The following GALNTL6 variants were observed in gnomAD, a reference collection of about 807,000 sequenced individuals.
GALNTL6 encodes polypeptide N-acetylgalactosaminyltransferase like 6.
Under a neutral mutation model 73.7 loss-of-function variants are expected in GALNTL6, and 46 were observed. The ratio of observed to expected loss-of-function variants is 0.62; its 90% CI spans 0.49 to 0.80. GALNTL6 has a LOEUF of 0.80. Ranked by LOEUF, GALNTL6 falls within the 30% of genes least tolerant of loss-of-function variation. The pLI is 0.00. For synonymous variants in GALNTL6, 259 were observed against 263.7 expected (o/e 0.98, Z 0.17); for missense variants, 604 against 755.0 (o/e 0.80, Z 2.34).
At chr4:172,175,004 C>T (rs1299501988) in intron 2 of GALNTL6, among the ~76,000 whole-genome samples, 1 of 152,110 alleles carries the variant, frequency 6.6e-6, no homozygotes, top group Non-Finnish European at 1.5e-5. Flanking sequence ...ATATACTTAA[C>T]ATGCACTGCA....
At chr4:172,874,421 T>A (rs1262803086) in intron 7 of GALNTL6, among the ~76,000 whole-genome samples, 1 of 152,208 alleles carries the variant, frequency 6.6e-6, no homozygotes, top group African/African-American at 2.4e-5. Context: ...CAGGGACCCC[T>A]CCTTGCCAAA....
At chr4:172,074,765 C>T (rs1579112240) in intron 2 of GALNTL6, among the ~76,000 whole-genome samples, 1 of 152,158 alleles carries the variant, frequency 6.6e-6, no homozygotes, top group East Asian at 1.9e-4. Context: ...ATTGCAAAAA[C>T]GAGAATATCA....
intron 8 of GALNTL6, among the ~76,000 whole-genome samples, chr4:172,927,014 TGGA>T (rs1579664316): frequency 1.3e-5 from 2 of 152,226 alleles, no homozygotes; most frequent in African/African-American, 4.8e-5. Flanking sequence ...TCTCACAATT[TGGA>T]GGAGGAGGCA....
intron 10 of GALNTL6, among the ~76,000 whole-genome samples, chr4:172,988,380 G>A (rs1751389917): frequency 1.3e-5 from 2 of 152,162 alleles, no homozygotes; most frequent in South Asian, 2.1e-4. Context: ...AAGCAGCAAA[G>A]CATTCAAGGT....
intron 5 of GALNTL6, among the ~76,000 whole-genome samples, chr4:172,700,804 A>G (rs142140373): frequency 6.6e-6 from 1 of 152,320 alleles, no homozygotes; most frequent in Non-Finnish European, 1.5e-5. Flanking sequence ...TGATTTCTAA[A>G]CAAAGAAGGC....
chr4:172,455,159 A>T (rs1242776600), intron 5 of GALNTL6, among the ~76,000 whole-genome samples: 1 of 152,208 alleles, frequency 6.6e-6, no homozygotes, highest in Non-Finnish European at 1.5e-5. Flanking sequence ...CTGTGCTGTG[A>T]GGAACAGTGC....
At chr4:172,461,826 A>C (rs1732632198) in intron 5 of GALNTL6, among the ~76,000 whole-genome samples, 1 of 152,168 alleles carries the variant, frequency 6.6e-6, no homozygotes, top group Non-Finnish European at 1.5e-5. Context: ...TTTCAACTTC[A>C]CTGGGCTATG....
chr4:172,813,018 A>T (rs1741401525), intron 6 of GALNTL6, among the ~76,000 whole-genome samples: 1 of 152,176 alleles, frequency 6.6e-6, no homozygotes, highest in Admixed American at 6.5e-5. Context: ...TCTCTGGCAA[A>T]CCTGAGAGCA....
intron 5 of GALNTL6, among the ~76,000 whole-genome samples, chr4:172,451,496 A>G (rs147330250): frequency 6.6e-6 from 1 of 152,176 alleles, no homozygotes; most frequent in Admixed American, 6.5e-5. Flanking sequence ...GGCACTAGGA[A>G]GAGATTCTAG....
chr4:172,807,636 C>T lies in GALNTL6; in HGVS notation c.554-1725C>T, dbSNP rs115038284. ...AGGCTTCAGGAGTCTGCATGACCTA[C>T]TCATATGTATCACCATTGTGGAGCT... On this transcript the variant is annotated intron_variant, in intron 5 of 12. Coordinates refer to ENST00000506823, the MANE Select transcript of GALNTL6 (RefSeq NM_001034845.3). 6.7e-3 allele frequency among the ~76,000 whole-genome samples: 1,015 copies of T among 152,292 alleles called. 15 individuals are homozygous for T. The highest frequency in any genetic ancestry group is 0.023 in the African/African-American group (964 of 41,568).
At chr4:172,297,163 G>A (rs944859532) in intron 3 of GALNTL6, among the ~76,000 whole-genome samples, 7 of 152,126 alleles carry the variant, frequency 4.6e-5, no homozygotes, top group Non-Finnish European at 7.4e-5. Context: ...GTCTTCTTTT[G>A]AGAAGAGTCT....
intron 5 of GALNTL6, among the ~76,000 whole-genome samples, chr4:172,519,622 C>T (rs1734714078): frequency 6.6e-6 from 1 of 150,886 alleles, no homozygotes; most frequent in South Asian, 2.1e-4. Context: ...CTGTCTTGCT[C>T]TACATTTTAC....
At chr4:172,664,248 C>A (rs1306594435) in intron 5 of GALNTL6, among the ~76,000 whole-genome samples, 2 of 152,122 alleles carry the variant, frequency 1.3e-5, no homozygotes, top group African/African-American at 2.4e-5. Context: ...CTTTGAGTTT[C>A]TTCTGTCCTT....
intron 5 of GALNTL6, among the ~76,000 whole-genome samples, chr4:172,550,045 T>G (rs1014516332): frequency 1.3e-5 from 2 of 152,324 alleles, no homozygotes; most frequent in Non-Finnish European, 2.9e-5. Context: ...GAAGCAGTGA[T>G]GAACATGCAG....
At chr4:172,862,464 C>T (rs1744444394) in intron 7 of GALNTL6, among the ~76,000 whole-genome samples, 1 of 152,118 alleles carries the variant, frequency 6.6e-6, no homozygotes, top group South Asian at 2.1e-4. Context: ...CTTGGGAGGC[C>T]AAGATGGGTG....
intron 7 of GALNTL6, among the ~76,000 whole-genome samples, chr4:172,828,271 CAAAAA>C (rs35836916): frequency 8.2e-6 from 1 of 122,376 alleles, no homozygotes; most frequent in Non-Finnish European, 1.7e-5. Context: ...GACTCCATCT[CAAAAA>C]AAAAAAAAAA....
At chr4:172,501,892 G>A (rs1196193815) in intron 5 of GALNTL6, among the ~76,000 whole-genome samples, 1 of 152,008 alleles carries the variant, frequency 6.6e-6, no homozygotes, top group Admixed American at 6.6e-5. Flanking sequence ...TTGTAGTTTC[G>A]ATAAAAATTG....
At chr4:172,223,009 A>T (rs1254595808) in intron 2 of GALNTL6, among the ~76,000 whole-genome samples, 1 of 152,014 alleles carries the variant, frequency 6.6e-6, no homozygotes, top group East Asian at 1.9e-4. Context: ...TCAAGATTTT[A>T]CATAACAACA....
Position 172,377,898 on chromosome 4 carries a change from A to G in GALNTL6, c.553+29209A>G, listed in dbSNP as rs574498230. ...GCCCGCGAGCGCTGCACGCAGCACCAGATCCCCCCCCCCATGCCTCTTCCT... is the reference window on the plus strand; with the variant it reads ...GCCCGCGAGCGCTGCACGCAGCACCGGATCCCCCCCCCCATGCCTCTTCCT... On this transcript the variant is annotated intron_variant, in intron 5 of 12. Coordinates refer to ENST00000506823, the MANE Select transcript of GALNTL6 (RefSeq NM_001034845.3). Among the ~76,000 whole-genome samples, 122 of 151,292 alleles carry G rather than the reference A, an allele frequency of 8.1e-4. 1 individual carries two copies. The South Asian group carries it at 0.016, about 20-fold the overall frequency.
Sources: allele counts gnomAD v4.1 joint callset (sites outside exome capture counted in the v4.1 genomes callset), GRCh38; gene constraint gnomAD v4.1.1; transcripts MANE v1.5; gene names NCBI Gene and HGNC (gene_info 2026-07-23, HGNC 2026-07-21).